Variants in PACS1 observed in about 807,000 individuals in gnomAD.
PACS1 encodes the protein phosphofurin acidic cluster sorting protein 1.
PACS1 carries 24 observed loss-of-function variants against 115.0 expected under a neutral mutation model. The observed-to-expected ratio is 0.21, with a 90% CI of 0.15 to 0.29. PACS1 has a LOEUF of 0.29. Among genes scored for constraint, PACS1 ranks in the 10% least tolerant of loss-of-function variants. PACS1 has a pLI of 1.00. For synonymous variants in PACS1, 453 were observed against 504.5 expected, an observed-to-expected ratio of 0.90 and a Z score of 1.37; for missense variants, 838 against 1,251.2, an observed-to-expected ratio of 0.67 and a Z score of 4.98.
At chr11:66,110,921 A>G (rs898347000) in intron 1 of PACS1, among the ~76,000 whole-genome samples, 5 of 151,578 alleles carry the variant, frequency 3.3e-5, no homozygotes, top group East Asian at 1.9e-4. Flanking sequence ...TTCCCTACCA[A>G]CCCTCCCAAG....
At chr11:66,091,300 C>A (rs1042280307) in intron 1 of PACS1, among the ~76,000 whole-genome samples, 2 of 104,904 alleles carry the variant, frequency 1.9e-5, no homozygotes, top group Non-Finnish European at 4.5e-5. Flanking sequence ...GCCACCACAC[C>A]AAGCTAATTT....
rs1372346686 is a variant in PACS1 at position 66,199,704 on chromosome 11, G to A, written c.444+6131G>A. ...GGACAAAATTCTGCAATCAAAAGACGTGGAGTAGTTGAATGCATTAAAAAA... is the reference window on the plus strand; with the variant it reads ...GGACAAAATTCTGCAATCAAAAGACATGGAGTAGTTGAATGCATTAAAAAA... On this transcript the variant is annotated intron_variant, in intron 2 of 23. Coordinates refer to ENST00000320580, the MANE Select transcript of PACS1 (RefSeq NM_018026.4). Among the ~76,000 whole-genome samples, 4 of 152,066 alleles carry A rather than the reference G, an allele frequency of 2.6e-5. No individual in the cohort carries two copies. The East Asian group carries it at 5.8e-4, about 22-fold the overall frequency.
chr11:66,181,853 A>T (rs1411269430), intron 1 of PACS1, among the ~76,000 whole-genome samples: 1 of 152,178 alleles, frequency 6.6e-6, no homozygotes, highest in African/African-American at 2.4e-5. Flanking sequence ...TCATGAATGA[A>T]GAACTGGAAT....
chr11:66,200,141 G>A (rs772669471), intron 2 of PACS1, among the ~76,000 whole-genome samples: 17 of 152,082 alleles, frequency 1.1e-4, no homozygotes, highest in Non-Finnish European at 2.2e-4. Flanking sequence ...CTTGAGCTCA[G>A]GGGTTTGAGA....
chr11:66,096,167 A>T (rs1290600885), intron 1 of PACS1, among the ~76,000 whole-genome samples: 2 of 150,380 alleles, frequency 1.3e-5, no homozygotes, highest in African/African-American at 4.9e-5. Flanking sequence ...TCCTGCCCTC[A>T]AGTGAGCCAC....
intron 10 of PACS1, among the ~76,000 whole-genome samples, chr11:66,227,012 A>G (rs1565155123): frequency 6.6e-6 from 1 of 152,222 alleles, no homozygotes. Flanking sequence ...TCTGCTTAGT[A>G]TATCCTGTTA....
At chr11:66,228,256 C>G (rs1855506777) in intron 11 of PACS1, among the ~76,000 whole-genome samples, 1 of 151,832 alleles carries the variant, frequency 6.6e-6, no homozygotes, top group African/African-American at 2.4e-5. Context: ...GAGGCAGGAC[C>G]CTTGTGGGGA....
chr11:66,110,624 G>A (rs1427024213), intron 1 of PACS1, among the ~76,000 whole-genome samples: 2 of 152,166 alleles, frequency 1.3e-5, no homozygotes, highest in African/African-American at 4.8e-5. Flanking sequence ...CCAGGCCGGA[G>A]TGCAGTGATG....
rs1354869734 is a variant in PACS1 at position 66,243,232 on chromosome 11, T to A, written c.2844T>A (p.His948Gln). 1 of 1,612,710 alleles carries A rather than the reference T, an allele frequency of 6.2e-7. No individual in the cohort carries two copies. Among genetic ancestry groups the A allele is most frequent in the Non-Finnish European group, 8.5e-7 (1 of 1,179,364 alleles). ...FFQLAAQWPT[H>Q]VKHFPVGLFS... is the part of the protein sequence containing the mutation. Reference sequence around the variant, plus strand: ...AGCTGGCAGCCCAGTGGCCCACCCATGTCAAGCACTTTCCAGTGGGACTCT... The same window carrying A: ...AGCTGGCAGCCCAGTGGCCCACCCAAGTCAAGCACTTTCCAGTGGGACTCT... The change falls in exon 24 of 24, where the codon CAT becomes CAA. Residue 948 changes from histidine (H) to glutamine (Q), a missense_variant. His to Gln is a conservative substitution (Grantham distance 24). This residue lies in a region of PACS1 where 84 missense variants were observed against 187.1 expected (regional missense o/e 0.45). Coordinates refer to ENST00000320580, the MANE Select transcript of PACS1 (RefSeq NM_018026.4).
At chr11:66,083,747 A>G (rs1857523679) in intron 1 of PACS1, among the ~76,000 whole-genome samples, 1 of 152,174 alleles carries the variant, frequency 6.6e-6, no homozygotes, top group Admixed American at 6.5e-5. Flanking sequence ...CTTGTTTGTC[A>G]TTTAGATATT....
intron 1 of PACS1, among the ~76,000 whole-genome samples, chr11:66,077,700 TTTG>T (rs1857420019): frequency 1.9e-5 from 1 of 51,284 alleles, no homozygotes; most frequent in Non-Finnish European, 5.3e-5. Flanking sequence ...AAATTGTAAG[TTTG>T]TTTTTTTTTT....
At chr11:66,195,397 C>T (rs193260370) in intron 2 of PACS1, among the ~76,000 whole-genome samples, 8 of 152,222 alleles carry the variant, frequency 5.3e-5, no homozygotes, top group Admixed American at 5.2e-4. Flanking sequence ...GTCTTGTCCT[C>T]CTCTCCCGAT....
At chr11:66,082,511 C>A (rs1314139524) in intron 1 of PACS1, among the ~76,000 whole-genome samples, 1 of 151,832 alleles carries the variant, frequency 6.6e-6, no homozygotes, top group Admixed American at 6.6e-5. Flanking sequence ...TAAAAAAAAA[C>A]AAACAAAAAA....
At chr11:66,096,209 CTTTTTTTTTT>C (rs66569530) in intron 1 of PACS1, among the ~76,000 whole-genome samples, 3 of 119,508 alleles carry the variant, frequency 2.5e-5, no homozygotes, top group African/African-American at 7.3e-5. Flanking sequence ...CTTTTTCTTT[CTTTTTTTTTT>C]TTTTTTTTTT....
intron 1 of PACS1, among the ~76,000 whole-genome samples, chr11:66,154,434 G>GTCTCT (rs1859309931): frequency 6.6e-6 from 1 of 152,110 alleles, no homozygotes; most frequent in Non-Finnish European, 1.5e-5. Flanking sequence ...GTGAGACCCT[G>GTCTCT]TCTCTAAAAA....
At position 66,235,423 on chromosome 11, in the gene PACS1, G is replaced by T. The variant is rs748280807; in HGVS notation, c.2207+20G>T. ...TAAGTTGTAAGTTTGACTTTGAGGG[G>T]TTTCTTAAAAATAGGTTGGGTGGGT... On this transcript the variant is annotated intron_variant, in intron 18 of 23. Coordinates refer to ENST00000320580, the MANE Select transcript of PACS1 (RefSeq NM_018026.4). This position sits in a 1 kb window ranked among gnomAD's most constrained non-coding sequence, Gnocchi z 5.6. 4 of 1,573,404 alleles carry T rather than the reference G, an allele frequency of 2.5e-6. No homozygotes were observed. Among genetic ancestry groups the T allele is most frequent in the Non-Finnish European group, 2.6e-6 (3 of 1,143,694 alleles).
At chr11:66,136,056 G>C (rs1050935240) in intron 1 of PACS1, among the ~76,000 whole-genome samples, 6 of 152,156 alleles carry the variant, frequency 3.9e-5, no homozygotes, top group Non-Finnish European at 7.4e-5. Context: ...TTGAGCTACT[G>C]ATTTGTCTGT....
intron 1 of PACS1, among the ~76,000 whole-genome samples, chr11:66,176,299 A>C (rs1366073574): frequency 1.3e-5 from 2 of 152,156 alleles, no homozygotes; most frequent in African/African-American, 4.8e-5. Flanking sequence ...TGTGCTCAGT[A>C]TTTAGCGCTC....
intron 1 of PACS1, among the ~76,000 whole-genome samples, chr11:66,102,640 A>T (rs1857945796): frequency 1.3e-5 from 2 of 151,948 alleles, no homozygotes; most frequent in African/African-American, 4.8e-5. Context: ...TACTATTATT[A>T]TTAAAAATAC....
Sources: allele counts gnomAD v4.1 joint callset (sites outside exome capture counted in the v4.1 genomes callset), GRCh38; gene constraint gnomAD v4.1.1; regional missense constraint gnomAD v4.1.1; non-coding constraint Gnocchi (gnomAD v3.1); transcripts MANE v1.5; gene names NCBI Gene and HGNC (gene_info 2026-07-23, HGNC 2026-07-21).